Variants in THSD7A observed in about 807,000 individuals in gnomAD.
THSD7A encodes thrombospondin type-1 domain-containing protein 7A.
In THSD7A, 96 loss-of-function variants were observed where a neutral mutation model predicts 231.3. That is an observed-to-expected ratio of 0.41 (90% CI 0.35 to 0.49). THSD7A has a LOEUF of 0.49. THSD7A is among the 20% of genes least tolerant of loss of function. The pLI is 0.05. For missense variants in THSD7A, 2,290 were observed against 2,070.2 expected (o/e 1.11, Z -2.06); for synonymous variants, 940 against 743.3 (o/e 1.26, Z -4.30).
rs1382546091 is a variant in THSD7A, at chr7:11,446,108, T to C, written c.3017A>G (p.Tyr1006Cys). 1.9e-6 allele frequency: 3 copies of C among 1,613,490 alleles called. No individual in the cohort carries two copies. Among genetic ancestry groups the C allele is most frequent in the East Asian group, 2.2e-5 (1 of 44,862 alleles). The change falls in exon 13 of 28, where the codon TAC becomes TGC. Residue 1006 changes from tyrosine to cysteine, a missense_variant. Transcript: ENST00000423059. This position sits in a 1 kb window ranked among gnomAD's most constrained non-coding sequence, Gnocchi z 4.0. ...QGYRYQAMACYDQNGRLVETS... is the reference protein window; with the variant it reads ...QGYRYQAMACCDQNGRLVETS... ...TTCCACAAGCCTGCCATTTTGATCG[T>C]AGCATGCCATTGCTTGGTAACGATA...
intron 1 of THSD7A, among the ~76,000 whole-genome samples, chr7:11,722,564 T>A (rs1413386657): frequency 1.3e-5 from 2 of 151,778 alleles, no homozygotes; most frequent in African/African-American, 4.8e-5. Flanking sequence ...TCCAAACCAC[T>A]GTGATTTTAT....
chr7:11,499,247 C>T (rs934083557), intron 6 of THSD7A, among the ~76,000 whole-genome samples: 3 of 152,206 alleles, frequency 2.0e-5, no homozygotes, highest in Non-Finnish European at 4.4e-5. Context: ...GCCCTCAGCA[C>T]AAACCTTCCA....
intron 2 of THSD7A, among the ~76,000 whole-genome samples, chr7:11,603,998 T>C (rs1780649218): frequency 6.6e-6 from 1 of 151,202 alleles, no homozygotes. Context: ...CTGCACAATG[T>C]GCACATGTAC....
rs117856088 is a variant in THSD7A, at chr7:11,695,560, C to T, written c.191-58599G>A. Reference sequence around the variant, plus strand: ...TCTTGATTGGGGTGAAACAGAATGGCCTGACCAATGAAGTATGAACTGAAC... The same window carrying T: ...TCTTGATTGGGGTGAAACAGAATGGTCTGACCAATGAAGTATGAACTGAAC... On this transcript the variant is annotated intron_variant, in intron 1 of 27. Coordinates refer to ENST00000423059, the MANE Select transcript of THSD7A (RefSeq NM_015204.3). Among the ~76,000 whole-genome samples, 38 of 151,420 alleles carry T rather than the reference C, an allele frequency of 2.5e-4. No homozygotes were observed. In the East Asian group the frequency reaches 7.5e-3, roughly 30 times the overall value.
intron 1 of THSD7A, among the ~76,000 whole-genome samples, chr7:11,738,926 T>G (rs569558330): frequency 2.0e-4 from 30 of 152,154 alleles, no homozygotes; most frequent in African/African-American, 7.2e-4. Context: ...TTGGGTTCTT[T>G]TAAGCCACTA....
rs1782069044 is a variant in THSD7A at position 11,371,893 on chromosome 7, C to A, written c.*3901G>T. 1.4e-5 allele frequency: 2 copies of A among 146,614 alleles called. No homozygotes were observed. The highest frequency in any genetic ancestry group is 5.0e-5 in the African/African-American group (2 of 39,846). 9.1% of individuals were successfully genotyped at this position (146,614 alleles called of 1,614,324 possible). ...TAATAGGGAAGGAAATATAGGAATT[C>A]TTTTTTTTTTAATTAAAAAATTGGG... On this transcript the variant is annotated 3_prime_UTR_variant, in exon 28 of 28. Coordinates refer to ENST00000423059, the MANE Select transcript of THSD7A (RefSeq NM_015204.3).
At chr7:11,802,284 G>A (rs116749210) in intron 1 of THSD7A, among the ~76,000 whole-genome samples, 1,650 of 152,192 alleles carry the variant, frequency 0.011, 24 homozygotes, top group African/African-American at 0.037. Flanking sequence ...CATATACCTG[G>A]CCCACCCTAC....
chr7:11,708,764 C>T (rs1369312183), intron 1 of THSD7A, among the ~76,000 whole-genome samples: 4 of 150,622 alleles, frequency 2.7e-5, no homozygotes, highest in East Asian at 2.0e-4. Flanking sequence ...ATCCAATATG[C>T]CAAATTCTAG....
intron 2 of THSD7A, among the ~76,000 whole-genome samples, chr7:11,635,344 A>C (rs1781795793): frequency 6.6e-6 from 1 of 152,226 alleles, no homozygotes; most frequent in South Asian, 2.1e-4. Context: ...AGCCACTCCC[A>C]GATGGTCTGG....
chr7:11,391,672 T>A (rs1782987588), intron 23 of THSD7A, among the ~76,000 whole-genome samples: 2 of 152,178 alleles, frequency 1.3e-5, no homozygotes, highest in African/African-American at 4.8e-5. Flanking sequence ...GAAAAAAAGC[T>A]CCTGCAGCTA....
intron 13 of THSD7A, among the ~76,000 whole-genome samples, chr7:11,441,720 A>AAC (rs1290391856): frequency 6.6e-6 from 1 of 152,086 alleles, no homozygotes. Flanking sequence ...TCAGCAAACT[A>AAC]ACACAGAAAC....
At chr7:11,771,736 T>A (rs541907010) in intron 1 of THSD7A, among the ~76,000 whole-genome samples, 16 of 152,248 alleles carry the variant, frequency 1.1e-4, no homozygotes, top group African/African-American at 3.1e-4. Context: ...CACCCAAATC[T>A]CACGTGGAAT....
At chr7:11,469,009 C>G (rs1027743061) in intron 9 of THSD7A, among the ~76,000 whole-genome samples, 1 of 151,494 alleles carries the variant, frequency 6.6e-6, no homozygotes, top group South Asian at 2.1e-4. Flanking sequence ...ATGTATAATA[C>G]CTAAAGGATT....
At chr7:11,752,117 C>A (rs113318163) in intron 1 of THSD7A, among the ~76,000 whole-genome samples, 126 of 152,154 alleles carry the variant, frequency 8.3e-4, no homozygotes, top group African/African-American at 3.0e-3. Context: ...CACCAGCTGG[C>A]GATTTCTGGT....
rs1782085747 is a variant in THSD7A at position 11,372,313 on chromosome 7, A to G, written c.*3481T>C. On this transcript the variant is annotated 3_prime_UTR_variant, in exon 28 of 28. Transcript: ENST00000423059. ...CTTCTTTTGGATGTCTGTCTTAAGT[A>G]CCTATGTATACAAAAGCCATTACTT... is the stretch of plus-strand genomic sequence containing the variant. 1 of 148,210 alleles carries G rather than the reference A, an allele frequency of 6.7e-6. No homozygotes were observed. The highest frequency in any genetic ancestry group is 6.8e-5 in the Admixed American group (1 of 14,702). The allele number at this position is 148,210 out of a possible 1,614,324, so 9.2% of individuals were successfully genotyped here.
intron 1 of THSD7A, among the ~76,000 whole-genome samples, chr7:11,749,924 T>A (rs1782443500): frequency 6.6e-6 from 1 of 152,016 alleles, no homozygotes; most frequent in South Asian, 2.1e-4. Context: ...CCACTGAGGC[T>A]GTATGAACAG....
chr7:11,431,237 G>C (rs1252205731), intron 13 of THSD7A, among the ~76,000 whole-genome samples: 1 of 152,112 alleles, frequency 6.6e-6, no homozygotes, highest in Non-Finnish European at 1.5e-5. Context: ...TTCCTTGGTT[G>C]TTAGTGCTTT....
intron 1 of THSD7A, among the ~76,000 whole-genome samples, chr7:11,718,977 T>C (rs1359119981): frequency 2.0e-5 from 3 of 151,708 alleles, no homozygotes; most frequent in Non-Finnish European, 4.4e-5. Flanking sequence ...TATTACTTTA[T>C]ACAAATTGAG....
rs190705152 is a variant in THSD7A, at chr7:11,460,391, T to C, written c.2605+271A>G. ...ACAAACAAACAAAAAAGCTTCAGTGTACCATTTATGTCATAAGTGAAAGCT... is the reference window on the plus strand; with the variant it reads ...ACAAACAAACAAAAAAGCTTCAGTGCACCATTTATGTCATAAGTGAAAGCT... On this transcript the variant is annotated intron_variant, in intron 11 of 27. Transcript: ENST00000423059. 3.8e-3 allele frequency among the ~76,000 whole-genome samples: 585 copies of C among 152,280 alleles called. 2 individuals are homozygous for C. Among genetic ancestry groups the C allele is most frequent in the Non-Finnish European group, 4.9e-3 (332 of 68,014 alleles).
Sources: gnomAD v4.1 joint callset for allele counts (sites outside exome capture counted in the v4.1 genomes callset) on GRCh38, gnomAD v4.1.1 for gene constraint, Gnocchi (gnomAD v3.1) non-coding constraint, MANE v1.5 for transcripts, NCBI Gene and HGNC (gene_info 2026-07-23, HGNC 2026-07-21) for gene names.